Variants in DLG2 observed in about 807,000 individuals in gnomAD.
DLG2 encodes the protein disks large homolog 2.
Under a neutral mutation model 132.5 loss-of-function variants are expected in DLG2, and 45 were observed. The observed-to-expected ratio is 0.34, with a 90% CI of 0.27 to 0.44. The LOEUF (loss-of-function observed/expected upper bound fraction) is 0.44, where lower values mean the gene tolerates loss of function less well. Among genes scored for constraint, DLG2 ranks in the 20% least tolerant of loss-of-function variants. The pLI is 1.00. For missense variants in DLG2, 1,045 were observed against 1,196.9 expected (o/e 0.87, Z 1.87); for synonymous variants, 424 against 419.6 (o/e 1.01, Z -0.13).
At chr11:84,506,671 G>T (rs1240400570) in intron 7 of DLG2, among the ~76,000 whole-genome samples, 1 of 152,160 alleles carries the variant, frequency 6.6e-6, no homozygotes, top group Non-Finnish European at 1.5e-5. Flanking sequence ...TAATAAATTT[G>T]TGTTGCTTTA....
At chr11:83,468,210 C>CTTGA (rs2091480806) in intron 25 of DLG2, among the ~76,000 whole-genome samples, 1 of 152,082 alleles carries the variant, frequency 6.6e-6, no homozygotes, top group Non-Finnish European at 1.5e-5. Context: ...AAAATGAATA[C>CTTGA]AGTCCAGTGA....
At chr11:84,211,935 G>T (rs1480700057) in intron 8 of DLG2, among the ~76,000 whole-genome samples, 1 of 152,102 alleles carries the variant, frequency 6.6e-6, no homozygotes, top group African/African-American at 2.4e-5. Flanking sequence ...TATATAAGAG[G>T]ATAAATAGAT....
intron 6 of DLG2, among the ~76,000 whole-genome samples, chr11:85,052,931 G>C (rs2063043067): frequency 6.6e-6 from 1 of 152,154 alleles, no homozygotes; most frequent in Non-Finnish European, 1.5e-5. Flanking sequence ...CCTAGCTAAA[G>C]CCTTTCTTAA....
intron 5 of DLG2, among the ~76,000 whole-genome samples, chr11:85,134,282 T>C (rs907411109): frequency 1.3e-5 from 2 of 150,766 alleles, no homozygotes; most frequent in Non-Finnish European, 3.0e-5. Flanking sequence ...AAAAGTATAC[T>C]TTCTTGGGAG....
intron 9 of DLG2, among the ~76,000 whole-genome samples, chr11:84,142,053 C>T (rs2094873461): frequency 6.6e-6 from 1 of 151,966 alleles, no homozygotes; most frequent in African/African-American, 2.4e-5. Context: ...CCTGTAATCC[C>T]AGCACTTTGG....
chr11:83,601,186 T>C (rs529118580), intron 19 of DLG2, among the ~76,000 whole-genome samples: 3 of 152,228 alleles, frequency 2.0e-5, no homozygotes, highest in South Asian at 2.1e-4. Context: ...GGAAGAGAAA[T>C]AGAGTTCTTC....
intron 4 of DLG2, among the ~76,000 whole-genome samples, chr11:85,277,363 T>C (rs2077956692): frequency 2.6e-5 from 4 of 152,168 alleles, no homozygotes; most frequent in African/African-American, 7.2e-5. Flanking sequence ...AAGTTATGAA[T>C]AATAGTGACA....
intron 6 of DLG2, among the ~76,000 whole-genome samples, chr11:84,794,167 A>G (rs1480649929): frequency 1.3e-5 from 2 of 152,274 alleles, no homozygotes; most frequent in African/African-American, 4.8e-5. Context: ...CTAATAAGGA[A>G]AAAGAAAACT....
intron 6 of DLG2, among the ~76,000 whole-genome samples, chr11:84,549,799 G>T (rs534742166): frequency 6.6e-6 from 1 of 151,986 alleles, no homozygotes; most frequent in South Asian, 2.1e-4. Context: ...TGTCACCTAG[G>T]CTGGAGTGCA....
intron 3 of DLG2, among the ~76,000 whole-genome samples, chr11:85,388,823 C>T (rs947523169): frequency 1.3e-5 from 2 of 152,088 alleles, no homozygotes; most frequent in African/African-American, 2.4e-5. Context: ...AAGGCAGCAC[C>T]GCCATGGGAC....
chr11:83,988,271 T>C (rs1177792908), intron 11 of DLG2, among the ~76,000 whole-genome samples: 1 of 152,166 alleles, frequency 6.6e-6, no homozygotes, highest in Admixed American at 6.6e-5. Context: ...TTTTGGCTTT[T>C]ATACTTGTCT....
chr11:84,812,498 C>T (rs1795983805), intron 6 of DLG2, among the ~76,000 whole-genome samples: 2 of 152,096 alleles, frequency 1.3e-5, no homozygotes, highest in African/African-American at 4.8e-5. Flanking sequence ...CTAAAATGCT[C>T]AAATTAGTTA....
At chr11:84,234,795 A>G (rs904625522) in intron 8 of DLG2, among the ~76,000 whole-genome samples, 1 of 152,222 alleles carries the variant, frequency 6.6e-6, no homozygotes, top group African/African-American at 2.4e-5. Context: ...CCTGAAAGAA[A>G]TTAAAGCATC....
chr11:84,143,159 A>G (rs993835390), intron 9 of DLG2, among the ~76,000 whole-genome samples: 2 of 144,500 alleles, frequency 1.4e-5, no homozygotes, highest in African/African-American at 4.9e-5. Context: ...AGGCGAATAA[A>G]ATATGATGCT....
At chr11:83,792,022 G>A (rs2041703282) in intron 17 of DLG2, among the ~76,000 whole-genome samples, 1 of 151,890 alleles carries the variant, frequency 6.6e-6, no homozygotes, top group South Asian at 2.1e-4. Flanking sequence ...CTTTTGTTTT[G>A]CTTTTCATTG....
chr11:85,551,284 C>T (rs1169690908), intron 3 of DLG2, among the ~76,000 whole-genome samples: 1 of 151,922 alleles, frequency 6.6e-6, no homozygotes, highest in Non-Finnish European at 1.5e-5. Context: ...TTATGTTCCC[C>T]CAAAAGATGA....
At chr11:83,720,946 C>G (rs1364584896) in intron 18 of DLG2, 1 of 152,054 alleles carries the variant, frequency 6.6e-6, no homozygotes, top group Non-Finnish European at 1.5e-5. Flanking sequence ...CTTTGAGTAT[C>G]TGGGGGTGAA....
At chr11:83,624,562 G>A (rs760528328) in intron 19 of DLG2, among the ~76,000 whole-genome samples, 1 of 152,210 alleles carries the variant, frequency 6.6e-6, no homozygotes, top group Admixed American at 6.5e-5. Flanking sequence ...GAAGGCACCA[G>A]TTTAGGAGGC....
At chr11:83,602,831 T>G (rs2058759259) in intron 19 of DLG2, among the ~76,000 whole-genome samples, 2 of 152,116 alleles carry the variant, frequency 1.3e-5, no homozygotes, top group Admixed American at 6.5e-5. Flanking sequence ...AGTTTATCAT[T>G]TTTTATTCCA....
Sources: allele counts gnomAD v4.1 joint callset (sites outside exome capture counted in the v4.1 genomes callset), GRCh38; gene constraint gnomAD v4.1.1; transcripts MANE v1.5; gene names NCBI Gene and HGNC (gene_info 2026-07-23, HGNC 2026-07-21).